Variants in ACBD6 observed in about 807,000 individuals in gnomAD.
The protein encoded by ACBD6 is acyl-CoA binding domain containing 6.
In ACBD6, 28 loss-of-function variants were observed where a neutral mutation model predicts 37.2. That is an observed-to-expected ratio of 0.75 (90% CI 0.56 to 1.03). The LOEUF (loss-of-function observed/expected upper bound fraction) is 1.03, where lower values mean the gene tolerates loss of function less well. ACBD6 is among the 50% of genes least tolerant of loss of function. The pLI is 0.00. For synonymous variants in ACBD6, 113 were observed against 126.8 expected, an observed-to-expected ratio of 0.89 and a Z score of 0.73; for missense variants, 340 against 337.4, an observed-to-expected ratio of 1.01 and a Z score of -0.06.
chr1:180,325,946 C>A (rs938890696), intron 6 of ACBD6, among the ~76,000 whole-genome samples: 2 of 152,198 alleles, frequency 1.3e-5, no homozygotes, highest in African/African-American at 4.8e-5. Context: ...GTGGCCACCA[C>A]CACTGGGACT....
intron 6 of ACBD6, among the ~76,000 whole-genome samples, chr1:180,317,724 T>C (rs1650870972): frequency 6.6e-6 from 1 of 152,138 alleles, no homozygotes; most frequent in South Asian, 2.1e-4. Flanking sequence ...GGTAAGCCAA[T>C]AACAGCAAAA....
In ACBD6 at chr1:180,288,509, A is replaced by C; in HGVS notation, c.703T>G (p.Cys235Gly). 1 of 1,613,206 alleles carries C rather than the reference A, an allele frequency of 6.2e-7. No individual in the cohort carries two copies. Among genetic ancestry groups the C allele is most frequent in the Non-Finnish European group, 8.5e-7 (1 of 1,179,656 alleles). Residue 235 changes from cysteine to glycine, a missense_variant, in exon 8 of 8, where the codon TGT becomes GGT. Transcript: ENST00000367595. ...AGCTCTACAATATCCAGAAACTCAC[A>C]GGCAGAGGCTGAAAGGAAAATTGAC... ...GQTALHYASA[C>G]EFLDIVELLL... is the part of the protein sequence containing the mutation.
Position 180,274,650 on chromosome 1 carries a change from C to T in ACBD6, c.*936+1G>A. ...ATCTTCAAGGATCAAAAGAGACTTG[C>T]CTTTTAAGGATCGAAAGTACGCCAA... On this transcript the variant is annotated splice_donor_variant, in intron 10 of 13. Coordinates refer to the ACBD6 transcript ENST00000642319. LOFTEE classifies it low-confidence loss of function (3UTR_SPLICE). 1 of 1,461,778 alleles carries T rather than the reference C, an allele frequency of 6.8e-7. No individual in the cohort carries two copies. Among genetic ancestry groups the T allele is most frequent in the South Asian group, 1.4e-5 (1 of 72,390 alleles). The allele number at this position is 1,461,778 out of a possible 1,614,324, so 90.6% of individuals were successfully genotyped here.
chr1:180,286,286 AAAGAT>A (rs1342481929), downstream of ACBD6, among the ~76,000 whole-genome samples: 3 of 152,212 alleles, frequency 2.0e-5, no homozygotes, highest in Non-Finnish European at 4.4e-5. Context: ...AAATAAAATA[AAAGAT>A]AAGTTATATT....
At chr1:180,351,553 G>A (rs1652419129) in intron 6 of ACBD6, among the ~76,000 whole-genome samples, 2 of 150,310 alleles carry the variant, frequency 1.3e-5, no homozygotes, top group Admixed American at 6.6e-5. Context: ...AATTACAGGT[G>A]TGAGTCACTG....
intron 3 of ACBD6, among the ~76,000 whole-genome samples, chr1:180,454,714 T>C (rs1557877717): frequency 1.3e-5 from 2 of 152,022 alleles, no homozygotes; most frequent in African/African-American, 4.8e-5. Flanking sequence ...GCAAAGGATA[T>C]CAATAGACAC....
intron 4 of ACBD6, among the ~76,000 whole-genome samples, chr1:180,415,416 C>T (rs753037704): frequency 5.4e-5 from 8 of 148,942 alleles, no homozygotes; most frequent in Admixed American, 6.7e-5. Flanking sequence ...AACAAACACA[C>T]GCAAAAAAAA....
At chr1:180,466,067 T>A (rs1300847000) in intron 3 of ACBD6, among the ~76,000 whole-genome samples, 1 of 152,112 alleles carries the variant, frequency 6.6e-6, no homozygotes, top group Non-Finnish European at 1.5e-5. Context: ...CTGAGTGATG[T>A]AATAATATGT....
At chr1:180,371,687 G>C (rs907363334) in intron 6 of ACBD6, among the ~76,000 whole-genome samples, 6 of 152,116 alleles carry the variant, frequency 3.9e-5, no homozygotes, top group Non-Finnish European at 8.8e-5. Flanking sequence ...AGGGCCTTGA[G>C]AGTTAATCAT....
At chr1:180,493,256 A>AAAAAAAC (rs1651582931) in intron 2 of ACBD6, among the ~76,000 whole-genome samples, 2 of 93,138 alleles carry the variant, frequency 2.1e-5, no homozygotes, top group Non-Finnish European at 4.8e-5. Context: ...TCAAAAAAAA[A>AAAAAAAC]AAAAAAAAAA....
At chr1:180,331,294 A>G (rs1571369276) in intron 6 of ACBD6, among the ~76,000 whole-genome samples, 1 of 152,312 alleles carries the variant, frequency 6.6e-6, no homozygotes, top group Non-Finnish European at 1.5e-5. Context: ...CATTTTTGTC[A>G]TAATGTTACT....
intron 3 of ACBD6, among the ~76,000 whole-genome samples, chr1:180,462,442 A>G (rs1053536258): frequency 2.0e-5 from 3 of 152,050 alleles, no homozygotes; most frequent in African/African-American, 7.2e-5. Context: ...TACAATCTTA[A>G]GTTTCCAACA....
Position 180,464,150 on chromosome 1 carries a change from C to T in ACBD6, c.384+28119G>A, listed in dbSNP as rs146022106. 4.0e-5 allele frequency among the ~76,000 whole-genome samples: 6 copies of T among 151,830 alleles called. No individual in the cohort carries two copies. The East Asian group carries it at 9.7e-4, about 25-fold the overall frequency. ...TCCCCTTGAAAATCAGCACAACTCT[C>T]ACCACTTCTATTCAACATAGTATTG... On this transcript the variant is annotated intron_variant, in intron 3 of 7. Coordinates refer to ENST00000367595, the MANE Select transcript of ACBD6 (RefSeq NM_032360.4).
At chr1:180,385,279 C>T (rs1438620953) in intron 6 of ACBD6, among the ~76,000 whole-genome samples, 2 of 150,862 alleles carry the variant, frequency 1.3e-5, no homozygotes, top group African/African-American at 4.9e-5. Context: ...AGAAACAGAG[C>T]AGATGGGACA....
intron 1 of ACBD6, among the ~76,000 whole-genome samples, chr1:180,498,248 A>T (rs984260305): frequency 6.6e-6 from 1 of 152,160 alleles, no homozygotes; most frequent in African/African-American, 2.4e-5. Flanking sequence ...CAAATTTCTC[A>T]TTTTCACTTG....
At chr1:180,277,949 T>C (rs1453290766) in intron 9 of ACBD6, 2 of 152,102 alleles carry the variant, frequency 1.3e-5, no homozygotes, top group Admixed American at 6.5e-5. Flanking sequence ...TTAAACTCAC[T>C]TTGCAAGGAA....
At chr1:180,418,317 C>T (rs1571483452) in intron 4 of ACBD6, among the ~76,000 whole-genome samples, 1 of 152,188 alleles carries the variant, frequency 6.6e-6, no homozygotes, top group East Asian at 1.9e-4. Context: ...GTGGCTCACA[C>T]CTATAATCCC....
intron 3 of ACBD6, among the ~76,000 whole-genome samples, chr1:180,454,013 A>T (rs1649815688): frequency 6.6e-6 from 1 of 152,216 alleles, no homozygotes; most frequent in African/African-American, 2.4e-5. Flanking sequence ...TCAAAGAATT[A>T]GAAAAAACTA....
chr1:180,302,292 A>G (rs193088131), intron 7 of ACBD6, among the ~76,000 whole-genome samples: 5 of 151,916 alleles, frequency 3.3e-5, no homozygotes, highest in Admixed American at 2.0e-4. Context: ...TAATTTTTTG[A>G]TATTTCTAGG....
Sources: gnomAD v4.1 joint callset for allele counts (sites outside exome capture counted in the v4.1 genomes callset) on GRCh38, gnomAD v4.1.1 for gene constraint, MANE v1.5 for transcripts, NCBI Gene and HGNC (gene_info 2026-07-23, HGNC 2026-07-21) for gene names.